LDB2: variants seen among roughly 807,000 people sequenced by gnomAD.
The protein encoded by LDB2 is LIM domain binding 2, also known as LIM domain-binding protein 2.
Under a neutral mutation model 44.3 loss-of-function variants are expected in LDB2, and 12 were observed. That is an observed-to-expected ratio of 0.27 (90% CI 0.17 to 0.44). The LOEUF is 0.44. LDB2 is among the 20% of genes least tolerant of loss of function. The probability of loss-of-function intolerance (pLI) is 1.00; values close to 1 mark genes in which losing one functional copy is unlikely to be tolerated. For synonymous variants in LDB2, 164 were observed against 174.8 expected (o/e 0.94, Z 0.49); for missense variants, 344 against 473.5 (o/e 0.73, Z 2.54).
chr4:16,559,336 C>T (rs1741112683), intron 5 of LDB2, among the ~76,000 whole-genome samples: 1 of 152,132 alleles, frequency 6.6e-6, no homozygotes, highest in African/African-American at 2.4e-5. Flanking sequence ...CATGCAGAGA[C>T]ACACATGGGC....
intron 5 of LDB2, among the ~76,000 whole-genome samples, chr4:16,555,888 C>T (rs576541228): frequency 1.3e-5 from 2 of 152,322 alleles, no homozygotes; most frequent in Non-Finnish European, 1.5e-5. Context: ...TTCAATCTCG[C>T]GTTACTCTCC....
intron 2 of LDB2, among the ~76,000 whole-genome samples, chr4:16,649,146 T>C (rs185046087): frequency 1.2e-3 from 181 of 152,282 alleles, no homozygotes; most frequent in African/African-American, 4.2e-3. Flanking sequence ...AGAACCCTAG[T>C]GGGAATGTTA....
intron 5 of LDB2, among the ~76,000 whole-genome samples, chr4:16,543,209 T>C (rs1447349177): frequency 6.6e-6 from 1 of 152,130 alleles, no homozygotes; most frequent in East Asian, 1.9e-4. Flanking sequence ...TCTTTGCTAT[T>C]GTGAATAGTG....
chr4:16,583,477 G>T (rs948369035), intron 5 of LDB2, among the ~76,000 whole-genome samples: 1 of 152,160 alleles, frequency 6.6e-6, no homozygotes, highest in Non-Finnish European at 1.5e-5. Flanking sequence ...TGAGACAAAG[G>T]CCAGGCTCCT....
At chr4:16,565,523 A>C (rs1200839936) in intron 5 of LDB2, among the ~76,000 whole-genome samples, 3 of 152,108 alleles carry the variant, frequency 2.0e-5, no homozygotes, top group African/African-American at 7.2e-5. Flanking sequence ...CAAATCTCAG[A>C]TAATCACCTT....
intron 2 of LDB2, among the ~76,000 whole-genome samples, chr4:16,745,774 C>G (rs1270032251): frequency 6.6e-6 from 1 of 152,086 alleles, no homozygotes; most frequent in South Asian, 2.1e-4. Flanking sequence ...TATGCTTAAC[C>G]TGTGCTCTTT....
intron 7 of LDB2, chr4:16,506,303 C>G (rs1193301561): frequency 4.0e-6 from 1 of 249,358 alleles, no homozygotes; most frequent in East Asian, 7.9e-5. Flanking sequence ...TAACATCTGA[C>G]AATTTTACTT....
At position 16,672,832 on chromosome 4, in the gene LDB2, T is replaced by TTTCTTTCCTTCCTTCC. The variant is rs5856378; in HGVS notation, c.236-76958_236-76957insGGAAGGAAGGAAAGAA. Among the ~76,000 whole-genome samples, 729 of 147,822 alleles carry TTTCTTTCCTTCCTTCC rather than the reference T, an allele frequency of 4.9e-3. 5 individuals are homozygous for TTTCTTTCCTTCCTTCC. The highest frequency in any genetic ancestry group is 0.016 in the African/African-American group (656 of 39,936). ...CTTGCGTGCCTGCCTGCCTGCCTTC[T>TTTCTTTCCTTCCTTCC]TTCCTTCCTTCCTTCCTTCCTTTCC... On this transcript the variant is annotated intron_variant, in intron 2 of 7. Transcript: ENST00000304523.
intron 5 of LDB2, among the ~76,000 whole-genome samples, chr4:16,562,855 G>C (rs1742920515): frequency 6.6e-6 from 1 of 152,182 alleles, no homozygotes; most frequent in African/African-American, 2.4e-5. Context: ...AGAAAATGTG[G>C]CACATATACA....
chr4:16,671,654 C>T lies in LDB2; in HGVS notation c.236-75779G>A, dbSNP rs561450053. On this transcript the variant is annotated intron_variant, in intron 2 of 7. Coordinates refer to ENST00000304523, the MANE Select transcript of LDB2 (RefSeq NM_001290.5). ...ACTTGGACACAGAACTCAGACCATT[C>T]GGAGTCAGAAGGGGCCAGGTAGGTG... Among the ~76,000 whole-genome samples the T allele has an allele frequency of 2.4e-4, 36 of 152,236 alleles. 1 individual carries two copies. The highest frequency in any genetic ancestry group is 6.7e-4 in the African/African-American group (28 of 41,560).
intron 2 of LDB2, chr4:16,653,603 C>T (rs907371732): frequency 6.6e-6 from 1 of 152,132 alleles, no homozygotes; most frequent in African/African-American, 2.4e-5. Context: ...GCAACACAGC[C>T]GAGTAGTTCA....
chr4:16,593,345 G>T (rs990874976), intron 3 of LDB2, among the ~76,000 whole-genome samples: 1 of 152,070 alleles, frequency 6.6e-6, no homozygotes, highest in African/African-American at 2.4e-5. Context: ...AAGGTCATTA[G>T]CCCACTGTTT....
chr4:16,838,637 T>A lies in LDB2; in HGVS notation c.132+59717A>T, dbSNP rs534487185. ...TCTCTGGAGAACACAGTGGAAGAAGTGTCTTGCTTTGGAGCTCCCAACACA... is the reference window on the plus strand; with the variant it reads ...TCTCTGGAGAACACAGTGGAAGAAGAGTCTTGCTTTGGAGCTCCCAACACA... On this transcript the variant is annotated intron_variant, in intron 1 of 7. Coordinates refer to ENST00000304523, the MANE Select transcript of LDB2 (RefSeq NM_001290.5). Among the ~76,000 whole-genome samples, 8 of 152,264 alleles carry A rather than the reference T, an allele frequency of 5.3e-5. No homozygotes were observed. In the South Asian group the frequency reaches 1.7e-3, roughly 32 times the overall value.
intron 2 of LDB2, among the ~76,000 whole-genome samples, chr4:16,649,064 C>A (rs1163375041): frequency 6.6e-6 from 1 of 152,120 alleles, no homozygotes; most frequent in African/African-American, 2.4e-5. Context: ...AATATTAATT[C>A]TATTTTAACT....
chr4:16,816,314 A>C (rs1387420873), intron 1 of LDB2, among the ~76,000 whole-genome samples: 1 of 152,220 alleles, frequency 6.6e-6, no homozygotes, highest in African/African-American at 2.4e-5. Flanking sequence ...ATAAACACAT[A>C]GCAATGCATT....
chr4:16,821,356 C>T (rs1475417662), intron 1 of LDB2, among the ~76,000 whole-genome samples: 2 of 151,110 alleles, frequency 1.3e-5, no homozygotes, highest in African/African-American at 4.9e-5. Context: ...AACCACTAGC[C>T]GTCTACATGG....
chr4:16,592,471 TATATATATATATATATA>T (rs1326016121), intron 3 of LDB2, among the ~76,000 whole-genome samples: 1 of 79,486 alleles, frequency 1.3e-5, no homozygotes, highest in Non-Finnish European at 2.3e-5. Flanking sequence ...CATACATATA[TATATATATATATATATA>T]TATATATATA....
intron 2 of LDB2, among the ~76,000 whole-genome samples, chr4:16,739,460 C>T (rs1465883835): frequency 3.4e-5 from 5 of 148,708 alleles, no homozygotes; most frequent in African/African-American, 1.2e-4. Context: ...CTGGTGCATG[C>T]CTGTAGTCCC....
At chr4:16,754,214 G>A (rs1766033925) in intron 2 of LDB2, among the ~76,000 whole-genome samples, 2 of 152,156 alleles carry the variant, frequency 1.3e-5, no homozygotes, top group East Asian at 1.9e-4. Context: ...TACTAGAAGC[G>A]AGAGTGGGTT....
Sources: gnomAD v4.1 joint callset for allele counts (sites outside exome capture counted in the v4.1 genomes callset) on GRCh38, gnomAD v4.1.1 for gene constraint, MANE v1.5 for transcripts, NCBI Gene and HGNC (gene_info 2026-07-23, HGNC 2026-07-21) for gene names.